The following SLC25A30 variants were observed in gnomAD, a reference collection of about 807,000 sequenced individuals.
SLC25A30 encodes solute carrier family 25 member 30.
SLC25A30 carries 29 observed loss-of-function variants against 42.7 expected under a neutral mutation model. The ratio of observed to expected loss-of-function variants is 0.68; its 90% confidence interval spans 0.51 to 0.93. The LOEUF (loss-of-function observed/expected upper bound fraction) is 0.93, where lower values mean the gene tolerates loss of function less well. Among genes scored for constraint, SLC25A30 ranks in the 40% least tolerant of loss-of-function variants. SLC25A30 has a pLI of 0.00. For synonymous variants in SLC25A30, 124 were observed against 131.0 expected, an observed-to-expected ratio of 0.95 and a Z score of 0.37; for missense variants, 300 against 359.7, an observed-to-expected ratio of 0.83 and a Z score of 1.34.
chr13:45,428,517 C>CTTTT, the SLC25A30 span, among the ~76,000 whole-genome samples: 127 of 92,540 alleles, frequency 1.4e-3, 6 homozygotes, highest in African/African-American at 5.1e-3. Flanking sequence ...TTCTTTTTAA[C>CTTTT]TTTTTTTTTT....
At chr13:45,403,640 T>C (rs1444363374) in intron 5 of SLC25A30, among the ~76,000 whole-genome samples, 1 of 152,194 alleles carries the variant, frequency 6.6e-6, no homozygotes, top group African/African-American at 2.4e-5. Context: ...AAATAAAATT[T>C]AACAAAGAAG....
chr13:45,426,374 C>A, the SLC25A30 span, among the ~76,000 whole-genome samples: 2 of 152,112 alleles, frequency 1.3e-5, no homozygotes, highest in Non-Finnish European at 2.9e-5. Context: ...CATGAGCCAC[C>A]GCCCCCGGCC....
upstream of SLC25A30, among the ~76,000 whole-genome samples, chr13:45,419,130 TAA>T (rs374462224): frequency 4.4e-5 from 4 of 90,540 alleles, no homozygotes; most frequent in East Asian, 1.2e-3. Flanking sequence ...TACTCCCTCT[TAA>T]AAAAAAAAAA....
At chr13:45,414,972 C>T (rs1349585910) in intron 1 of SLC25A30, among the ~76,000 whole-genome samples, 2 of 152,124 alleles carry the variant, frequency 1.3e-5, no homozygotes, top group Non-Finnish European at 2.9e-5. Flanking sequence ...GGCAGCATCT[C>T]GGGGAAGGAA....
In SLC25A30 at chr13:45,395,291, A is replaced by G. The variant is rs1312182389; in HGVS notation, c.*683T>C. The G allele has an allele frequency of 1.0e-6, 1 of 985,980 alleles. No individual in the cohort carries two copies. Among genetic ancestry groups the G allele is most frequent in the South Asian group, 4.7e-5 (1 of 21,302 alleles). 61.1% of individuals were successfully genotyped at this position (985,980 alleles called of 1,614,324 possible). ...ACCCCCCACCAATACAGACCTTGCA[A>G]CCTTCAAAGCCAACACATAACACCA... On this transcript the variant is annotated 3_prime_UTR_variant, in exon 10 of 10. Coordinates refer to ENST00000519676, the MANE Select transcript of SLC25A30 (RefSeq NM_001010875.4).
chr13:45,423,886 T>TTAAAAAA, the SLC25A30 span, among the ~76,000 whole-genome samples: 3 of 77,722 alleles, frequency 3.9e-5, no homozygotes, highest in African/African-American at 5.0e-5. Flanking sequence ...TATAAAAATA[T>TTAAAAAA]ATATATAAAT....
intron 4 of SLC25A30, among the ~76,000 whole-genome samples, chr13:45,405,253 CCAT>C (rs1882389124): frequency 6.6e-6 from 1 of 152,270 alleles, no homozygotes; most frequent in Admixed American, 6.5e-5. Flanking sequence ...TAAATTCAGA[CCAT>C]CATAATTAAG....
chr13:45,422,919 A>C (rs1312347428), upstream of SLC25A30, among the ~76,000 whole-genome samples: 1 of 152,118 alleles, frequency 6.6e-6, no homozygotes, highest in Non-Finnish European at 1.5e-5. Flanking sequence ...CATGTCCTCC[A>C]GGAAGTCTCT....
At chr13:45,412,282 C>A (rs1883102686) in intron 1 of SLC25A30, among the ~76,000 whole-genome samples, 1 of 151,976 alleles carries the variant, frequency 6.6e-6, no homozygotes, top group Admixed American at 6.6e-5. Flanking sequence ...ACCATGCCAG[C>A]CTAATTGTTT....
At chr13:45,412,485 G>A (rs1339089157) in intron 1 of SLC25A30, among the ~76,000 whole-genome samples, 1 of 152,076 alleles carries the variant, frequency 6.6e-6, no homozygotes, top group Non-Finnish European at 1.5e-5. Flanking sequence ...TTTGGCATGA[G>A]GAAAGAGGCT....
At chr13:45,426,428 T>C in the SLC25A30 span, among the ~76,000 whole-genome samples, 1 of 152,216 alleles carries the variant, frequency 6.6e-6, no homozygotes, top group Non-Finnish European at 1.5e-5. Context: ...AATCGTTATG[T>C]AAGTATCTAC....
At chr13:45,423,596 T>TATATATAA in the SLC25A30 span, among the ~76,000 whole-genome samples, 1 of 106,712 alleles carries the variant, frequency 9.4e-6, no homozygotes, top group East Asian at 2.3e-4. Context: ...TATAAATATA[T>TATATATAA]ATATATATAA....
chr13:45,430,144 G>A, the SLC25A30 span, among the ~76,000 whole-genome samples: 13 of 151,788 alleles, frequency 8.6e-5, no homozygotes, highest in African/African-American at 2.7e-4. Flanking sequence ...TATACTATAC[G>A]GCTCAGTTAT....
chr13:45,423,562 T>A, the SLC25A30 span, among the ~76,000 whole-genome samples: 5 of 91,420 alleles, frequency 5.5e-5, no homozygotes, highest in Admixed American at 3.2e-4. Flanking sequence ...ATAAAAAAAA[T>A]ATATAAATAT....
chr13:45,424,060 A>T, the SLC25A30 span, among the ~76,000 whole-genome samples: 344 of 104,232 alleles, frequency 3.3e-3, 3 homozygotes, highest in African/African-American at 0.013. Flanking sequence ...AATCTATAAA[A>T]ATATATATAT....
chr13:45,430,398 G>A, the SLC25A30 span, among the ~76,000 whole-genome samples: 1 of 152,134 alleles, frequency 6.6e-6, no homozygotes, highest in Non-Finnish European at 1.5e-5. Flanking sequence ...CACAGAAGAA[G>A]CAACTGAAAG....
Position 45,397,263 on chromosome 13 carries a change from T to C in SLC25A30, c.829A>G (p.Ile277Val). The change falls in exon 9 of 10, where the codon ATC (isoleucine) becomes GTC (valine). Residue 277 changes from isoleucine to valine, a missense_variant. Physicochemically the swap from Ile to Val is conservative, Grantham distance 29. Coordinates refer to ENST00000519676, the MANE Select transcript of SLC25A30 (RefSeq NM_001010875.4). ...PNWLRLGPWN[I>V]IFFVTYEQLK... Reference sequence around the variant, plus strand: ...ATTGCAACAGAAAAGGATACAATGATATTCCAAGGACCAAGTCTCAACCAA... The same window carrying C: ...ATTGCAACAGAAAAGGATACAATGACATTCCAAGGACCAAGTCTCAACCAA... The C allele has an allele frequency of 6.2e-7, 1 of 1,602,694 alleles. No homozygotes were observed. Among genetic ancestry groups the C allele is most frequent in the Non-Finnish European group, 8.5e-7 (1 of 1,170,098 alleles).
intron 8 of SLC25A30, 75 bp downstream of exon 8, chr13:45,398,865 T>G: frequency 6.6e-7 from 1 of 1,519,494 alleles, no homozygotes; most frequent in Non-Finnish European, 8.9e-7. Flanking sequence ...TTTAGTAGCT[T>G]TCATAATTTA....
At chr13:45,400,035 C>CATATATAT (rs1308097342) in intron 7 of SLC25A30, among the ~76,000 whole-genome samples, 2 of 111,596 alleles carry the variant, frequency 1.8e-5, no homozygotes, top group African/African-American at 7.0e-5. Context: ...TATATATATA[C>CATATATAT]ACACACACAC....
Sources: allele counts gnomAD v4.1 joint callset (sites outside exome capture counted in the v4.1 genomes callset), GRCh38; gene constraint gnomAD v4.1.1; transcripts MANE v1.5; gene names NCBI Gene and HGNC (gene_info 2026-07-23, HGNC 2026-07-21).